Variants in C17orf99 observed in about 807,000 individuals in gnomAD.
C17orf99 encodes the protein chromosome 17 open reading frame 99.
In C17orf99, 18 loss-of-function variants were observed where a neutral mutation model predicts 22.6. The observed-to-expected ratio is 0.80, with a 90% CI of 0.55 to 1.18. The LOEUF is 1.18. Ranked by LOEUF, C17orf99 falls within the 50% of genes most tolerant of loss-of-function variation. The probability of loss-of-function intolerance (pLI) is 0.00; values close to 1 mark genes in which losing one functional copy is unlikely to be tolerated. For synonymous variants in C17orf99, 147 were observed against 136.6 expected (o/e 1.08, Z -0.53); for missense variants, 328 against 342.7 (o/e 0.96, Z 0.34).
chr17:78,146,822 T>A lies in C17orf99; in HGVS notation c.38-57T>A, dbSNP rs765386971. 6.6e-7 allele frequency: 1 copy of A among 1,521,094 alleles called. No homozygotes were observed. Among genetic ancestry groups the A allele is most frequent in the South Asian group, 1.2e-5 (1 of 83,388 alleles). 94.2% of individuals were successfully genotyped at this position (1,521,094 alleles called of 1,614,324 possible). A position where few individuals can be genotyped will look rare whatever the true frequency, so the allele number is the denominator to read the frequency against. ...CTTCAGCAGGTGGGTCTCGAGGCTG[T>A]CTCTGGTCTCCCCTCCACACCAGGC... On this transcript the variant is annotated intron_variant, in intron 1 of 4. Coordinates refer to ENST00000340363, the MANE Select transcript of C17orf99 (RefSeq NM_001163075.2). This position sits in a 1 kb window ranked among gnomAD's most constrained non-coding sequence, Gnocchi z 5.2.
At chr17:78,147,360 G>A (rs1250787535) in intron 2 of C17orf99, among the ~76,000 whole-genome samples, 2 of 152,198 alleles carry the variant, frequency 1.3e-5, no homozygotes, top group Non-Finnish European at 2.9e-5. Context: ...AGGGCCGTGA[G>A]AGGATGGTGA....
intron 2 of C17orf99, among the ~76,000 whole-genome samples, chr17:78,153,451 G>C (rs1355935886): frequency 6.6e-6 from 1 of 151,802 alleles, no homozygotes; most frequent in Non-Finnish European, 1.5e-5. Flanking sequence ...TGTCACTGCA[G>C]TCCAGCCTGG....
chr17:78,164,672 G>A, intron 4 of C17orf99: 1 of 1,434,446 alleles, frequency 7.0e-7, no homozygotes, highest in Non-Finnish European at 9.2e-7. Flanking sequence ...GGTAGGAAAT[G>A]GGTGCTCGAT....
At chr17:78,156,095 C>A (rs563854165) in intron 2 of C17orf99, among the ~76,000 whole-genome samples, 71 of 151,224 alleles carry the variant, frequency 4.7e-4, no homozygotes, top group Non-Finnish European at 7.4e-4. Context: ...TTTGGGAGGC[C>A]CAGGCAGGCG....
Position 78,146,838 on chromosome 17 carries a change from C to A in C17orf99, c.38-41C>A, listed in dbSNP as rs1477861454. ...TCGAGGCTGTCTCTGGTCTCCCCTC[C>A]ACACCAGGCCCTCTCCTTATCGCCC... On this transcript the variant is annotated intron_variant, in intron 1 of 4. Coordinates refer to ENST00000340363, the MANE Select transcript of C17orf99 (RefSeq NM_001163075.2). The surrounding 1 kb of genome is among the most constrained non-coding windows in gnomAD (Gnocchi z 5.2). 3.9e-6 allele frequency: 6 copies of A among 1,546,936 alleles called. No individual in the cohort carries two copies. The South Asian group carries it at 7.1e-5, about 18-fold the overall frequency.
intron 2 of C17orf99, among the ~76,000 whole-genome samples, chr17:78,156,635 G>A (rs1230235033): frequency 2.6e-5 from 4 of 152,078 alleles, no homozygotes; most frequent in Admixed American, 6.6e-5. Flanking sequence ...TTTAGAAACA[G>A]GGTCTCACTC....
At chr17:78,156,769 C>T (rs1403790756) in intron 2 of C17orf99, among the ~76,000 whole-genome samples, 1 of 152,000 alleles carries the variant, frequency 6.6e-6, no homozygotes, top group African/African-American at 2.4e-5. Flanking sequence ...CGAGCACCAC[C>T]ACACCTGGCT....
Position 78,157,784 on chromosome 17 carries a change from G to A in C17orf99, c.71-3171G>A, listed in dbSNP as rs574463733. On this transcript the variant is annotated intron_variant, in intron 2 of 4. Coordinates refer to ENST00000340363, the MANE Select transcript of C17orf99 (RefSeq NM_001163075.2). ...TGCACTCCAGCCTGGGCGACAGAGC[G>A]TGACTCTGTCTCGGAAAAAAAAAAA... 3.2e-4 allele frequency: 210 copies of A among 657,748 alleles called. 4 individuals are homozygous for A. Among genetic ancestry groups the A allele is most frequent in the African/African-American group, 3.1e-3 (151 of 49,082 alleles). The allele number at this position is 657,748 out of a possible 1,614,324, so 40.7% of individuals were successfully genotyped here.
chr17:78,164,958 T>C (rs1555599206), intron 4 of C17orf99: 4 of 1,139,876 alleles, frequency 3.5e-6, no homozygotes, highest in Non-Finnish European at 4.3e-6. Context: ...CTAAGTTCTT[T>C]ATGGGGTCTG....
At chr17:78,161,946 A>G (rs8069081) in intron 3 of C17orf99, among the ~76,000 whole-genome samples, 103,820 of 152,120 alleles carry the variant, frequency 0.68, 37,023 homozygotes, top group African/African-American at 0.89. Flanking sequence ...CTCTGGGTCT[A>G]TAGCTATGTA....
At chr17:78,160,133 C>A (rs1371641081) in intron 2 of C17orf99, 4 of 456,114 alleles carry the variant, frequency 8.8e-6, no homozygotes, top group East Asian at 1.4e-4. Flanking sequence ...TTTTGAGGAA[C>A]CACTAAATCA....
chr17:78,153,744 A>G (rs1228303718), intron 2 of C17orf99, among the ~76,000 whole-genome samples: 7 of 152,068 alleles, frequency 4.6e-5, no homozygotes, highest in Non-Finnish European at 1.0e-4. Flanking sequence ...TAGTTTCTGG[A>G]CCATGAAGAG....
chr17:78,153,094 A>C (rs2075497829), intron 2 of C17orf99, among the ~76,000 whole-genome samples: 2 of 148,288 alleles, frequency 1.3e-5, no homozygotes. Context: ...GAAAAAAATA[A>C]ATTAAAAAAA....
intron 2 of C17orf99, among the ~76,000 whole-genome samples, chr17:78,156,332 G>GAAAAA (rs769438256): frequency 9.5e-5 from 6 of 63,384 alleles, no homozygotes; most frequent in Admixed American, 2.0e-4. Context: ...TCCTTCTCCA[G>GAAAAA]AAAAAAAAAA....
At chr17:78,161,988 C>T (rs1164301162) in intron 3 of C17orf99, among the ~76,000 whole-genome samples, 1 of 152,092 alleles carries the variant, frequency 6.6e-6, no homozygotes, top group African/African-American at 2.4e-5. Context: ...AGAAAGTTGC[C>T]CCAGGGGCTG....
rs144983724 is a variant in C17orf99 at position 78,159,963 on chromosome 17, G to A, written c.71-992G>A. On this transcript the variant is annotated intron_variant, in intron 2 of 4. Coordinates refer to ENST00000340363, the MANE Select transcript of C17orf99 (RefSeq NM_001163075.2). ...TCAACCACATTCTATTTACCCATTC[G>A]TCCATTGATAGATATTTGGGCCGTT... 2,833 of 432,820 alleles carry A rather than the reference G, an allele frequency of 6.5e-3. 25 individuals carry two copies. The highest frequency in any genetic ancestry group is 0.051 in the Middle Eastern group (152 of 2,956). The allele number at this position is 432,820 out of a possible 1,614,324, so 26.8% of individuals were successfully genotyped here. A position where few individuals can be genotyped will look rare whatever the true frequency, so the allele number is the denominator to read the frequency against.
Position 78,161,215 on chromosome 17 carries a change from G to A in C17orf99, c.331G>A (p.Asp111Asn), listed in dbSNP as rs1474587129. ...WASSTSGAHV[D>N]SARLQMHWEL... The stretch of plus-strand genomic sequence containing the variant: ...GTCCTCCACCTCAGGTGCCCATGTG[G>A]ACAGTGCCAGGCTACAGATGCACTG... Residue 111 changes from aspartate (D) to asparagine (N), a missense_variant, in exon 3 of 5, where the codon GAC becomes AAC. Coordinates refer to ENST00000340363, the MANE Select transcript of C17orf99 (RefSeq NM_001163075.2). 1.3e-6 allele frequency: 2 copies of A among 1,551,794 alleles called. No homozygotes were observed. The highest frequency in any genetic ancestry group is 2.4e-5 in the South Asian group (2 of 84,056).
rs930799391 is a variant in C17orf99, at chr17:78,165,764, T to C, written c.641-125T>C. On this transcript the variant is annotated intron_variant, in intron 4 of 4. Coordinates refer to ENST00000340363, the MANE Select transcript of C17orf99 (RefSeq NM_001163075.2). ...TTGCAGTGAGCCGAGATCGTGCCAT[T>C]GCACTCCAGCCTGGACAAAAAGAGC... 5 of 1,235,536 alleles carry C rather than the reference T, an allele frequency of 4.0e-6. No individual in the cohort carries two copies. In the African/African-American group the frequency reaches 6.2e-5, roughly 15 times the overall value. 76.5% of individuals were successfully genotyped at this position (1,235,536 alleles called of 1,614,324 possible).
chr17:78,159,124 A>T (rs1252869146), intron 2 of C17orf99: 1 of 142,960 alleles, frequency 7.0e-6, no homozygotes, highest in Non-Finnish European at 1.5e-5. Flanking sequence ...TAAAACTACA[A>T]GTTTAATATG....
Sources: gnomAD v4.1 joint callset for allele counts (sites outside exome capture counted in the v4.1 genomes callset) on GRCh38, gnomAD v4.1.1 for gene constraint, Gnocchi (gnomAD v3.1) non-coding constraint, MANE v1.5 for transcripts, NCBI Gene and HGNC (gene_info 2026-07-23, HGNC 2026-07-21) for gene names.